Variants in CTTNBP2NL observed in about 807,000 individuals in gnomAD.
CTTNBP2NL encodes the protein CTTNBP2 N-terminal like.
CTTNBP2NL carries 16 observed loss-of-function variants against 32.5 expected under a neutral mutation model. That is an observed-to-expected ratio of 0.49 (90% confidence interval 0.33 to 0.75). CTTNBP2NL has a LOEUF of 0.75. CTTNBP2NL is among the 30% of genes least tolerant of loss of function. The probability of loss-of-function intolerance (pLI) is 0.02; values close to 1 mark genes in which losing one functional copy is unlikely to be tolerated. For missense variants in CTTNBP2NL, 645 were observed against 756.0 expected (o/e 0.85, Z 1.72); for synonymous variants, 298 against 289.4 (o/e 1.03, Z -0.30).
chr1:112,455,330 A>G (rs970260502), intron 5 of CTTNBP2NL, among the ~76,000 whole-genome samples: 2 of 151,926 alleles, frequency 1.3e-5, no homozygotes, highest in African/African-American at 4.8e-5. Flanking sequence ...ACATGGAAAA[A>G]CCCTGTCTCT....
intron 3 of CTTNBP2NL, among the ~76,000 whole-genome samples, chr1:112,445,107 TGTGA>T (rs897336350): frequency 1.9e-4 from 29 of 152,192 alleles, no homozygotes; most frequent in African/African-American, 7.0e-4. Flanking sequence ...CCAACAGTCA[TGTGA>T]GTAAGTAAGC....
intron 3 of CTTNBP2NL, among the ~76,000 whole-genome samples, chr1:112,431,332 A>T (rs1338840001): frequency 6.6e-6 from 1 of 152,238 alleles, no homozygotes; most frequent in Non-Finnish European, 1.5e-5. Context: ...TGTCCCCATA[A>T]AGAGAAGAGA....
At chr1:112,450,938 A>C (rs1650197946) in intron 4 of CTTNBP2NL, among the ~76,000 whole-genome samples, 1 of 152,028 alleles carries the variant, frequency 6.6e-6, no homozygotes, top group Admixed American at 6.5e-5. Context: ...GCTTATAATT[A>C]GGGTGCTCAT....
In CTTNBP2NL at chr1:112,396,216, C is replaced by T. The variant is rs1164032572; in HGVS notation, c.-190C>T. Reference sequence around the variant, plus strand: ...GGCGGCTGAGGGGGCGGAGCCTCAGCCGCTGTGGATGGGGAGTGGAGGCGG... The same window carrying T: ...GGCGGCTGAGGGGGCGGAGCCTCAGTCGCTGTGGATGGGGAGTGGAGGCGG... On this transcript the variant is annotated 5_prime_UTR_variant, in exon 1 of 6. Coordinates refer to ENST00000271277, the MANE Select transcript of CTTNBP2NL (RefSeq NM_018704.3). 6.6e-6 allele frequency: 1 copy of T among 152,378 alleles called. No individual in the cohort carries two copies. The highest frequency in any genetic ancestry group is 1.5e-5 in the Non-Finnish European group (1 of 68,196). The allele number at this position is 152,378 out of a possible 1,614,324, so 9.4% of individuals were successfully genotyped here.
At position 112,449,052 on chromosome 1, in the gene CTTNBP2NL, C is replaced by A. The variant is rs775374920; in HGVS notation, c.210C>A (p.Gly70=). Reference sequence around the variant, plus strand: ...AAACACTGAAGGAGAAAAATGATGGCGAAAAGCAGCCAGTCTGCACAAATC... The same window carrying A: ...AAACACTGAAGGAGAAAAATGATGGAGAAAAGCAGCCAGTCTGCACAAATC... ...DFETLKEKND[G]EKQPVCTNPL... is the part of the protein sequence containing the mutation. The change falls in exon 4 of 6, where the codon GGC becomes GGA. Residue 70 remains glycine, a synonymous_variant. Transcript: ENST00000271277. The A allele has an allele frequency of 6.2e-7, 1 of 1,611,842 alleles. No homozygotes were observed. Among genetic ancestry groups the A allele is most frequent in the East Asian group, 2.2e-5 (1 of 44,856 alleles).
intron 3 of CTTNBP2NL, among the ~76,000 whole-genome samples, chr1:112,419,330 A>T (rs1649157252): frequency 6.6e-6 from 1 of 152,200 alleles, no homozygotes. Flanking sequence ...AAAATGAAAA[A>T]ATCGAAATGT....
chr1:112,412,608 CTTTTTTT>C (rs35667800), intron 2 of CTTNBP2NL, among the ~76,000 whole-genome samples: 3 of 88,920 alleles, frequency 3.4e-5, no homozygotes, highest in African/African-American at 1.1e-4. Context: ...GAGTTGGTAC[CTTTTTTT>C]TTTTTTTTTT....
chr1:112,445,817 G>A (rs1013970148), intron 3 of CTTNBP2NL, among the ~76,000 whole-genome samples: 1 of 152,128 alleles, frequency 6.6e-6, no homozygotes, highest in Non-Finnish European at 1.5e-5. Context: ...CACAGTGTGG[G>A]TTTTAAAAGT....
chr1:112,408,656 T>C (rs1026110844), intron 1 of CTTNBP2NL, among the ~76,000 whole-genome samples: 2 of 152,166 alleles, frequency 1.3e-5, no homozygotes, highest in Non-Finnish European at 2.9e-5. Context: ...GATTTAGTAT[T>C]TGTAAATGTG....
chr1:112,438,803 A>G (rs1570737706), intron 3 of CTTNBP2NL, among the ~76,000 whole-genome samples: 1 of 152,268 alleles, frequency 6.6e-6, no homozygotes, highest in African/African-American at 2.4e-5. Flanking sequence ...TTCACCATAT[A>G]TTTGTGCCTT....
At chr1:112,425,174 T>C (rs1649354851) in intron 3 of CTTNBP2NL, among the ~76,000 whole-genome samples, 1 of 151,958 alleles carries the variant, frequency 6.6e-6, no homozygotes, top group Admixed American at 6.6e-5. Context: ...ATTGCTGTTT[T>C]ACAGAAATAA....
At chr1:112,392,749 G>T (rs1445942469), upstream of CTTNBP2NL, among the ~76,000 whole-genome samples, 1 of 152,076 alleles carries the variant, frequency 6.6e-6, no homozygotes, top group East Asian at 1.9e-4. Flanking sequence ...GTAGTTACAC[G>T]CCAATGATCA....
intron 3 of CTTNBP2NL, among the ~76,000 whole-genome samples, chr1:112,417,216 G>GTCTA (rs1238160752): frequency 7.2e-5 from 11 of 152,224 alleles, no homozygotes; most frequent in African/African-American, 2.4e-4. Flanking sequence ...TGCTTTATGT[G>GTCTA]TCTATTTACT....
intron 3 of CTTNBP2NL, among the ~76,000 whole-genome samples, chr1:112,430,546 C>CTTTTT (rs552996822): frequency 1.2e-5 from 1 of 80,508 alleles, no homozygotes; most frequent in Non-Finnish European, 2.2e-5. Flanking sequence ...CCATAGCTAG[C>CTTTTT]TTTTTTTTTT....
chr1:112,440,712 A>G (rs11102476), intron 3 of CTTNBP2NL, among the ~76,000 whole-genome samples: 160 of 152,324 alleles, frequency 1.1e-3, no homozygotes, highest in Non-Finnish European at 1.7e-3. Flanking sequence ...GCACTTAACT[A>G]TATATAACAC....
At chr1:112,435,985 CT>C (rs1411463566) in intron 3 of CTTNBP2NL, among the ~76,000 whole-genome samples, 1 of 150,994 alleles carries the variant, frequency 6.6e-6, no homozygotes, top group Non-Finnish European at 1.5e-5. Flanking sequence ...GGTCATCTGT[CT>C]AAATTACACA....
At chr1:112,409,024 A>G (rs1398744038) in intron 1 of CTTNBP2NL, among the ~76,000 whole-genome samples, 1 of 150,254 alleles carries the variant, frequency 6.7e-6, no homozygotes, top group East Asian at 2.0e-4. Context: ...GCTACTTAGG[A>G]GGCTGAGGCA....
chr1:112,455,956 A>G lies in CTTNBP2NL; in HGVS notation c.464A>G (p.Lys155Arg). ...TTGGAATTTGAAAAATCCCAAGTGA[A>G]AAAGTTTGAAAAAGAACAGAAGAAG... ...QQLEFEKSQV[K>R]KFEKEQKKLS... The change falls in exon 6 of 6, where the codon AAA becomes AGA. Residue 155 changes from lysine (K) to arginine (R), a missense_variant. Lys to Arg is a conservative substitution (Grantham distance 26). Transcript: ENST00000271277. 1 of 1,580,306 alleles carries G rather than the reference A, an allele frequency of 6.3e-7. No homozygotes were observed. Among genetic ancestry groups the G allele is most frequent in the Admixed American group, 2.0e-5 (1 of 50,196 alleles).
chr1:112,435,290 T>G (rs910991391), intron 3 of CTTNBP2NL, among the ~76,000 whole-genome samples: 11 of 152,074 alleles, frequency 7.2e-5, no homozygotes, highest in African/African-American at 2.7e-4. Context: ...CATCACAGAT[T>G]ATAGGGATTT....
Sources: gnomAD v4.1 joint callset for allele counts (sites outside exome capture counted in the v4.1 genomes callset) on GRCh38, gnomAD v4.1.1 for gene constraint, MANE v1.5 for transcripts, NCBI Gene and HGNC (gene_info 2026-07-23, HGNC 2026-07-21) for gene names.